TRERF1: variants seen among roughly 807,000 people sequenced by gnomAD.
The protein encoded by TRERF1 is transcriptional-regulating factor 1.
A neutral mutation model predicts 122.9 loss-of-function variants in TRERF1; 27 were observed. The observed-to-expected ratio is 0.22, with a 90% confidence interval of 0.16 to 0.30. The LOEUF (loss-of-function observed/expected upper bound fraction) is 0.30. Among genes scored for constraint, TRERF1 ranks in the 10% least tolerant of loss-of-function variants. The probability of loss-of-function intolerance (pLI) is 1.00; values close to 1 mark genes in which losing one functional copy is unlikely to be tolerated. For synonymous variants in TRERF1, 636 were observed against 641.7 expected (o/e 0.99, Z 0.13); for missense variants, 1,248 against 1,560.3 (o/e 0.80, Z 3.37).
chr6:42,253,039 C>T (rs1455735592), intron 13 of TRERF1, among the ~76,000 whole-genome samples: 1 of 152,164 alleles, frequency 6.6e-6, no homozygotes, highest in Non-Finnish European at 1.5e-5. Context: ...GCTAGAAACC[C>T]CTAACCTCAA....
intron 15 of TRERF1, among the ~76,000 whole-genome samples, chr6:42,241,592 G>A (rs530170551): frequency 1.2e-4 from 19 of 152,142 alleles, no homozygotes; most frequent in African/African-American, 4.3e-4. Flanking sequence ...CTCCCGAGTA[G>A]CTGGGATTAC....
intron 8 of TRERF1, among the ~76,000 whole-genome samples, chr6:42,261,496 G>C (rs1777861735): frequency 6.6e-6 from 1 of 151,894 alleles, no homozygotes; most frequent in African/African-American, 2.4e-5. Context: ...GGACACTTTG[G>C]GGGTGAGGCC....
rs985084724 is a variant in TRERF1, at chr6:42,263,641, C to T, written c.1636-73G>A. On this transcript the variant is annotated intron_variant, in intron 7 of 17. Coordinates refer to ENST00000372922, the Ensembl canonical transcript of TRERF1. This position sits in a 1 kb window ranked among gnomAD's most constrained non-coding sequence, Gnocchi z 5.6. The stretch of plus-strand genomic sequence containing the variant: ...CAAGGGGGATGCACTTTGCTTTTCC[C>T]GAAAGGTTCCAGGACATCAGGTATG... 1.0e-5 allele frequency: 14 copies of T among 1,400,198 alleles called. No individual in the cohort carries two copies. In the Admixed American group the frequency reaches 1.1e-4, roughly 11 times the overall value. The allele number at this position is 1,400,198 out of a possible 1,614,324, so 86.7% of individuals were successfully genotyped here.
At chr6:42,262,525 GAGAGAGAGAGAGAGAGAGA>G in intron 8 of TRERF1, among the ~76,000 whole-genome samples, 1 of 43,906 alleles carries the variant, frequency 2.3e-5, no homozygotes, top group Non-Finnish European at 4.8e-5. Context: ...GAGAGAGAGA[GAGAGAGAGAGAGAGAGAGA>G]GAGAGAGAGA....
chr6:42,285,710 C>T (rs1388643871), intron 4 of TRERF1, among the ~76,000 whole-genome samples: 1 of 151,966 alleles, frequency 6.6e-6, no homozygotes, highest in African/African-American at 2.4e-5. Flanking sequence ...TGAATTTTGT[C>T]AAAGGCTTTT....
At chr6:42,385,566 G>T (rs16868962) in intron 2 of TRERF1, among the ~76,000 whole-genome samples, 13,735 of 152,078 alleles carry the variant, frequency 0.09, 926 homozygotes, top group African/African-American at 0.19. Context: ...AGACTGTGCA[G>T]CACAAAGTGA....
At chr6:42,414,702 A>C (rs1781582487) in intron 2 of TRERF1, among the ~76,000 whole-genome samples, 1 of 152,236 alleles carries the variant, frequency 6.6e-6, no homozygotes, top group African/African-American at 2.4e-5. Context: ...CAGCCACATT[A>C]TGTGCAATGC....
chr6:42,262,030 CTTAA>C (rs945818180), intron 8 of TRERF1, among the ~76,000 whole-genome samples: 1 of 152,030 alleles, frequency 6.6e-6, no homozygotes, highest in African/African-American at 2.4e-5. Flanking sequence ...ACTATGAACT[CTTAA>C]TTGAGAGTTC....
chr6:42,373,487 G>A (rs916504585), intron 2 of TRERF1, among the ~76,000 whole-genome samples: 2 of 152,124 alleles, frequency 1.3e-5, no homozygotes, highest in African/African-American at 2.4e-5. Context: ...CAAACACAGT[G>A]AAACCCCGTC....
Position 42,232,909 on chromosome 6 carries a change from G to C in TRERF1, c.3067-17C>G. On this transcript the variant is annotated splice_polypyrimidine_tract_variant and intron_variant, in intron 16 of 17. Transcript: ENST00000372922. This position sits in a 1 kb window ranked among gnomAD's most constrained non-coding sequence, Gnocchi z 4.5. ...GCTGAACACCTGGGGAAGAAAGGGA[G>C]TGACATGACATCTACAGTCCTGAAA... 6.3e-7 allele frequency: 1 copy of C among 1,579,558 alleles called. No homozygotes were observed. Among genetic ancestry groups the C allele is most frequent in the Non-Finnish European group, 8.6e-7 (1 of 1,160,626 alleles).
At chr6:42,404,208 T>C (rs988001732) in intron 2 of TRERF1, among the ~76,000 whole-genome samples, 2 of 152,154 alleles carry the variant, frequency 1.3e-5, no homozygotes, top group Non-Finnish European at 2.9e-5. Context: ...AAGCTCAACA[T>C]GTCAAAAGGT....
intron 14 of TRERF1, among the ~76,000 whole-genome samples, chr6:42,243,709 T>C (rs1380288485): frequency 2.0e-5 from 3 of 151,258 alleles, no homozygotes; most frequent in African/African-American, 7.3e-5. Context: ...GCCTCCCGAG[T>C]AGCTGGGACT....
chr6:42,333,393 C>T (rs755428867), intron 3 of TRERF1, among the ~76,000 whole-genome samples: 8 of 152,176 alleles, frequency 5.3e-5, no homozygotes, highest in Non-Finnish European at 7.3e-5. Flanking sequence ...AGACATGAGT[C>T]GGACATCCCA....
Position 42,276,125 on chromosome 6 carries a change from GTCTC to G in TRERF1, c.-258-6281_-258-6278del, listed in dbSNP as rs373317705. ...TTGACCCCTGTTCTAGAGCATCAAA[GTCTC>G]TCCACACCCCACCCCCTGGCCTGGG... On this transcript the variant is annotated intron_variant, in intron 4 of 17. Coordinates refer to ENST00000372922, the Ensembl canonical transcript of TRERF1. This position sits in a 1 kb window ranked among gnomAD's most constrained non-coding sequence, Gnocchi z 4.3. Among the ~76,000 whole-genome samples the G allele has an allele frequency of 9.2e-5, 14 of 152,284 alleles. No homozygotes were observed. The East Asian group carries it at 9.7e-4, about 10-fold the overall frequency.
intron 2 of TRERF1, among the ~76,000 whole-genome samples, chr6:42,396,529 T>G (rs1291240293): frequency 6.6e-6 from 1 of 152,260 alleles, no homozygotes; most frequent in Non-Finnish European, 1.5e-5. Flanking sequence ...AATATAGTAC[T>G]TTTACAGTAA....
intron 2 of TRERF1, among the ~76,000 whole-genome samples, chr6:42,428,131 T>G (rs1783922925): frequency 6.6e-6 from 1 of 152,226 alleles, no homozygotes; most frequent in Non-Finnish European, 1.5e-5. Context: ...TTTGGCCTCC[T>G]GAGCCTTATA....
chr6:42,315,591 G>A (rs576760310), intron 3 of TRERF1, among the ~76,000 whole-genome samples: 2 of 152,194 alleles, frequency 1.3e-5, no homozygotes, highest in East Asian at 3.9e-4. Flanking sequence ...GGGAGCTCCT[G>A]GAGTAGAGAC....
Position 42,385,422 on chromosome 6 carries a change from A to C in TRERF1, c.-453-22343T>G, listed in dbSNP as rs193293402. Among the ~76,000 whole-genome samples the C allele has an allele frequency of 1.3e-3, 192 of 152,358 alleles. 1 individual carries two copies. The highest frequency in any genetic ancestry group is 4.4e-3 in the African/African-American group (182 of 41,574). On this transcript the variant is annotated intron_variant, in intron 2 of 17. Coordinates refer to ENST00000372922, the Ensembl canonical transcript of TRERF1. ...TCATCTGAAAAATGTACAGTCACTG[A>C]CACTGGGGCCACCACCACCCTGAAG... is the stretch of plus-strand genomic sequence containing the variant.
At chr6:42,274,990 T>A (rs1184887224) in intron 4 of TRERF1, among the ~76,000 whole-genome samples, 1 of 152,202 alleles carries the variant, frequency 6.6e-6, no homozygotes, top group African/African-American at 2.4e-5. Flanking sequence ...GTACCCCTTC[T>A]GGGACAGTCA....
Sources: gnomAD v4.1 joint callset for allele counts (sites outside exome capture counted in the v4.1 genomes callset) on GRCh38, gnomAD v4.1.1 for gene constraint, Gnocchi (gnomAD v3.1) non-coding constraint, MANE v1.5 for transcripts, NCBI Gene and HGNC (gene_info 2026-07-23, HGNC 2026-07-21) for gene names.